CPED1: variants seen among roughly 807,000 people sequenced by gnomAD.
CPED1 encodes cadherin-like and PC-esterase domain-containing protein 1.
A neutral mutation model predicts 128.2 loss-of-function variants in CPED1; 114 were observed. The observed-to-expected ratio is 0.89, with a 90% CI of 0.76 to 1.04. CPED1 has a LOEUF of 1.04. Among genes scored for constraint, CPED1 ranks in the 50% least tolerant of loss-of-function variants. The pLI, the probability that CPED1 is intolerant of heterozygous loss-of-function variation, is 0.00. For synonymous variants in CPED1, 462 were observed against 426.7 expected (o/e 1.08, Z -1.02); for missense variants, 1,211 against 1,207.1 (o/e 1.00, Z -0.05).
chr7:121,295,018 A>G (rs186119167), intron 22 of CPED1, among the ~76,000 whole-genome samples: 1 of 152,210 alleles, frequency 6.6e-6, no homozygotes, highest in Non-Finnish European at 1.5e-5. Flanking sequence ...TTGCCATTTT[A>G]TAGAAGAGTG....
chr7:121,099,801 C>A, intron 6 of CPED1, 125 bp from the exon 7 acceptor site: 3 of 940,336 alleles, frequency 3.2e-6, no homozygotes, highest in Non-Finnish European at 4.7e-6. Context: ...TTCAAGGAAA[C>A]CCACACACTG....
intron 4 of CPED1, among the ~76,000 whole-genome samples, chr7:121,055,303 G>C (rs929694961): frequency 6.6e-6 from 1 of 151,956 alleles, no homozygotes; most frequent in Non-Finnish European, 1.5e-5. Context: ...TTAAGAAGCT[G>C]CCCAACGTTT....
At chr7:121,285,020 T>A (rs1483522027) in intron 22 of CPED1, among the ~76,000 whole-genome samples, 1 of 152,212 alleles carries the variant, frequency 6.6e-6, no homozygotes, top group African/African-American at 2.4e-5. Flanking sequence ...TGCAGCAAAC[T>A]TCTGCCTGGA....
intron 3 of CPED1, among the ~76,000 whole-genome samples, chr7:121,027,161 A>G (rs530019721): frequency 1.6e-4 from 24 of 151,952 alleles, no homozygotes; most frequent in African/African-American, 5.8e-4. Flanking sequence ...TTAAAGTTCA[A>G]ATGAATGTAT....
intron 3 of CPED1, 45 bp downstream of exon 3, chr7:121,015,893 T>A: frequency 7.7e-7 from 1 of 1,302,710 alleles, no homozygotes; most frequent in Middle Eastern, 2.0e-4. Context: ...TGACATATAA[T>A]GTTGAACAAT....
At chr7:121,155,368 T>G (rs1346550468) in intron 16 of CPED1, among the ~76,000 whole-genome samples, 1 of 152,104 alleles carries the variant, frequency 6.6e-6, no homozygotes, top group Non-Finnish European at 1.5e-5. Context: ...ATCCTAAAAT[T>G]TATGTGGAAC....
At chr7:121,005,928 G>A (rs552339182) in intron 2 of CPED1, among the ~76,000 whole-genome samples, 1 of 152,248 alleles carries the variant, frequency 6.6e-6, no homozygotes, top group East Asian at 1.9e-4. Flanking sequence ...TTCATCAAGT[G>A]GAACTTAATT....
At chr7:121,100,900 A>C (rs752585063) in intron 7 of CPED1, among the ~76,000 whole-genome samples, 72 of 152,272 alleles carry the variant, frequency 4.7e-4, no homozygotes, top group Non-Finnish European at 7.8e-4. Flanking sequence ...AGGCATGAGC[A>C]AATTTTAGAA....
chr7:121,052,908 T>G (rs1356779532), intron 4 of CPED1, among the ~76,000 whole-genome samples: 1 of 151,912 alleles, frequency 6.6e-6, no homozygotes. Context: ...TAGTAGAGAC[T>G]GAGTTTTGCC....
intron 16 of CPED1, among the ~76,000 whole-genome samples, chr7:121,176,193 GAAAA>G (rs34712656): frequency 8.1e-5 from 5 of 62,026 alleles, no homozygotes; most frequent in African/African-American, 4.1e-4. Context: ...CTCCCCGCTG[GAAAA>G]AAAAAAAAAA....
chr7:121,149,549 A>G (rs966313421), intron 16 of CPED1: 3 of 152,230 alleles, frequency 2.0e-5, no homozygotes, highest in Non-Finnish European at 4.4e-5. Context: ...TGCTAGAAGA[A>G]GCAAACTTTT....
intron 17 of CPED1, among the ~76,000 whole-genome samples, chr7:121,238,713 A>G (rs1398288134): frequency 6.7e-6 from 1 of 150,294 alleles, no homozygotes; most frequent in Non-Finnish European, 1.5e-5. Context: ...TTTTCTTTTT[A>G]TGTTTTATAA....
intron 2 of CPED1, among the ~76,000 whole-genome samples, chr7:121,002,008 T>C (rs1022945158): frequency 6.6e-6 from 1 of 152,130 alleles, no homozygotes; most frequent in Non-Finnish European, 1.5e-5. Context: ...CATATATATA[T>C]ATAAAACACA....
intron 16 of CPED1, among the ~76,000 whole-genome samples, chr7:121,225,899 T>C (rs866279685): frequency 4.3e-4 from 65 of 152,244 alleles, no homozygotes; most frequent in Admixed American, 2.2e-3. Context: ...TCAAGGTTTT[T>C]AGCTTCCTTG....
chr7:121,203,479 C>T (rs559049220), intron 16 of CPED1, among the ~76,000 whole-genome samples: 3 of 152,186 alleles, frequency 2.0e-5, no homozygotes, highest in East Asian at 1.9e-4. Context: ...CAGATAGACC[C>T]GTCAGCATGG....
chr7:121,053,698 T>G (rs959953230), intron 4 of CPED1, among the ~76,000 whole-genome samples: 1 of 152,236 alleles, frequency 6.6e-6, no homozygotes, highest in Admixed American at 6.5e-5. Context: ...GGTGTTCTAA[T>G]GGTGATTTTC....
intron 3 of CPED1, among the ~76,000 whole-genome samples, chr7:121,028,976 T>C (rs914907919): frequency 6.6e-6 from 1 of 152,114 alleles, no homozygotes; most frequent in African/African-American, 2.4e-5. Context: ...TAATAAACCA[T>C]TTTTAGCTTT....
At chr7:121,120,725 G>A (rs927952107) in intron 7 of CPED1, among the ~76,000 whole-genome samples, 4 of 151,864 alleles carry the variant, frequency 2.6e-5, no homozygotes, top group Non-Finnish European at 5.9e-5. Context: ...TTCTTCAAAG[G>A]TTTTATTACA....
intron 16 of CPED1, among the ~76,000 whole-genome samples, chr7:121,198,783 A>G (rs1797325061): frequency 6.6e-6 from 1 of 152,300 alleles, no homozygotes; most frequent in Admixed American, 6.5e-5. Context: ...TTATCAAAGC[A>G]TGTGATTCTA....
Sources: allele counts gnomAD v4.1 joint callset (sites outside exome capture counted in the v4.1 genomes callset), GRCh38; gene constraint gnomAD v4.1.1; transcripts MANE v1.5; gene names NCBI Gene and HGNC (gene_info 2026-07-23, HGNC 2026-07-21).